Variants in CSF1R observed in about 807,000 individuals in gnomAD.
CSF1R encodes colony stimulating factor 1 receptor.
A neutral mutation model predicts 110.0 loss-of-function variants in CSF1R; 40 were observed. The ratio of observed to expected loss-of-function variants is 0.36; its 90% CI spans 0.28 to 0.47. CSF1R has a LOEUF of 0.47. Ranked by LOEUF, CSF1R falls within the 20% of genes least tolerant of loss-of-function variation. The pLI, the probability that CSF1R is intolerant of heterozygous loss-of-function variation, is 0.99. For synonymous variants in CSF1R, 523 were observed against 503.4 expected (o/e 1.04, Z -0.52); for missense variants, 1,052 against 1,253.0 (o/e 0.84, Z 2.42).
Position 150,070,232 on chromosome 5 carries a change from C to T in CSF1R, c.1269G>A (p.Gly423=). 6 of 1,614,130 alleles carry T rather than the reference C, an allele frequency of 3.7e-6. No homozygotes were observed. The highest frequency in any genetic ancestry group is 5.1e-6 in the Non-Finnish European group (6 of 1,180,016). Reference sequence around the variant, plus strand: ...GCCATGTCACGTTGGGCTGGGGGTACCCAGAGGCAGCACACAAAAGGGTGC... The same window carrying T: ...GCCATGTCACGTTGGGCTGGGGGTATCCAGAGGCAGCACACAAAAGGGTGC... ...GSGTLLCAAS[G]YPQPNVTWLQ... Residue 423 remains glycine (G), a synonymous_variant, in exon 8 of 21, where the codon GGG becomes GGA. Coordinates refer to ENST00000675795, the MANE Select transcript of CSF1R (RefSeq NM_001288705.3).
In CSF1R at chr5:150,053,759, G is replaced by T. The variant is rs41497048; in HGVS notation, c.*310C>A. On this transcript the variant is annotated 3_prime_UTR_variant, in exon 21 of 21. Coordinates refer to ENST00000675795, the MANE Select transcript of CSF1R (RefSeq NM_001288705.3). The stretch of plus-strand genomic sequence containing the variant: ...CATAAAGTCAGTCCATTTCCATGAA[G>T]ATAAGGGGATTAGGAAAGAAGGTTC... 28,567 of 468,864 alleles carry T rather than the reference G, an allele frequency of 0.061. 2,333 individuals are homozygous for T. Among genetic ancestry groups the T allele is most frequent in the African/African-American group, 0.23 (11,543 of 51,278 alleles). The allele number at this position is 468,864 out of a possible 1,614,324, so 29.0% of individuals were successfully genotyped here.
chr5:150,108,371 T>G (rs1759615398), intron 1 of CSF1R, among the ~76,000 whole-genome samples: 1 of 151,222 alleles, frequency 6.6e-6, no homozygotes, highest in Non-Finnish European at 1.5e-5. Flanking sequence ...GGGGCAGAGG[T>G]CAGGAAGCTA....
chr5:150,109,069 A>ACCCC (rs1168947790), intron 1 of CSF1R, among the ~76,000 whole-genome samples: 1 of 99,420 alleles, frequency 1.0e-5, no homozygotes, highest in Admixed American at 1.0e-4. Flanking sequence ...CCCCCCCCCC[A>ACCCC]CCACCCAAGA....
intron 1 of CSF1R, among the ~76,000 whole-genome samples, chr5:150,106,647 T>A (rs1332361980): frequency 6.6e-6 from 1 of 152,218 alleles, no homozygotes; most frequent in Non-Finnish European, 1.5e-5. Flanking sequence ...CTCCCATTAC[T>A]ATTGCAGCTC....
intron 19 of CSF1R, 149 bp from the exon 20 acceptor site, chr5:150,054,579 C>T (rs1394279700): frequency 4.8e-5 from 30 of 621,136 alleles, no homozygotes; most frequent in Non-Finnish European, 8.1e-5. Flanking sequence ...CCTTGGCATG[C>T]TTTACCATTT....
At chr5:150,077,199 A>G in intron 5 of CSF1R, 77 bp downstream of exon 5, 1 of 1,576,346 alleles carries the variant, frequency 6.3e-7, no homozygotes. Context: ...CCCTGACATC[A>G]GCTTCCTCCT....
chr5:150,084,452 A>AAGGAAGGG (rs1440617992), intron 1 of CSF1R, among the ~76,000 whole-genome samples: 84 of 84,210 alleles, frequency 1.0e-3, no homozygotes, highest in Non-Finnish European at 1.6e-3. Flanking sequence ...GGAAGGAAGG[A>AAGGAAGGG]AGGAAGAAAG....
chr5:150,085,069 A>C (rs1220260615), intron 1 of CSF1R, among the ~76,000 whole-genome samples: 2 of 152,112 alleles, frequency 1.3e-5, no homozygotes, highest in Non-Finnish European at 2.9e-5. Context: ...ACCTGAGGTC[A>C]GGAGTTCGAG....
chr5:150,094,309 G>A, intron 1 of CSF1R: 1 of 1,586,742 alleles, frequency 6.3e-7, no homozygotes, highest in South Asian at 1.1e-5. Context: ...ACCATGGAGG[G>A]TGTAGAAGAG....
chr5:150,069,614 A>C (rs1757938152), intron 9 of CSF1R, among the ~76,000 whole-genome samples: 2 of 152,080 alleles, frequency 1.3e-5, no homozygotes, highest in African/African-American at 4.8e-5. Context: ...GAGTGCAGGG[A>C]CAAGAGTGGG....
intron 6 of CSF1R, 35 bp from the exon 7 acceptor site, chr5:150,070,606 C>T (rs1428710272): frequency 7.0e-7 from 1 of 1,427,516 alleles, no homozygotes; most frequent in Non-Finnish European, 9.4e-7. Context: ...TGGTGAGCCC[C>T]AGCCTAGTAT....
intron 5 of CSF1R, 130 bp downstream of exon 5, chr5:150,077,146 G>T (rs749584079): frequency 1.6e-6 from 2 of 1,240,914 alleles, no homozygotes; most frequent in African/African-American, 3.0e-5. Flanking sequence ...GCCAGGCCTT[G>T]GATAAACAAA....
intron 1 of CSF1R, among the ~76,000 whole-genome samples, chr5:150,091,693 G>T (rs567249039): frequency 6.6e-6 from 1 of 152,052 alleles, no homozygotes; most frequent in East Asian, 1.9e-4. Context: ...GGTGATGGCT[G>T]CCCAGCATTG....
rs57967086 is a variant in CSF1R, at chr5:150,091,852, C to CAAA, written c.-180-5248_-180-5246dup. Among the ~76,000 whole-genome samples, 13 of 71,230 alleles carry CAAA rather than the reference C, an allele frequency of 1.8e-4. 1 individual carries two copies. Among genetic ancestry groups the CAAA allele is most frequent in the African/African-American group, 5.9e-4 (10 of 16,962 alleles). 46.7% of individuals were successfully genotyped at this position (71,230 alleles called of 152,430 possible). On this transcript the variant is annotated intron_variant, in intron 1 of 21. Transcript: ENST00000286301. ...TTCATTGCCAGCAGACCCATACTACCAAAAAAAAAAAAAAAAAAAAAAAAA... is the reference window on the plus strand; with the variant it reads ...TTCATTGCCAGCAGACCCATACTACCAAAAAAAAAAAAAAAAAAAAAAAAAAAA...
At chr5:150,066,187 A>T (rs1460799608) in intron 10 of CSF1R, among the ~76,000 whole-genome samples, 2 of 152,164 alleles carry the variant, frequency 1.3e-5, no homozygotes, top group African/African-American at 4.8e-5. Context: ...TGGTTCCCCA[A>T]CGAACTTCCT....
intron 10 of CSF1R, 51 bp from the exon 11 acceptor site, chr5:150,061,900 T>C (rs1313460411): frequency 6.2e-7 from 1 of 1,611,298 alleles, no homozygotes; most frequent in Non-Finnish European, 8.5e-7. Flanking sequence ...AGGCAGTTCC[T>C]GGACCTTGTT....
intron 1 of CSF1R, among the ~76,000 whole-genome samples, chr5:150,082,878 C>A (rs529484767): frequency 6.0e-4 from 92 of 152,314 alleles, no homozygotes; most frequent in Non-Finnish European, 1.1e-3. Flanking sequence ...CAACTCTGAT[C>A]GCTCAAGATT....
At chr5:150,077,253 T>C in intron 5 of CSF1R, 23 bp downstream of exon 5, 1 of 1,614,074 alleles carries the variant, frequency 6.2e-7, no homozygotes. Context: ...CTACCGACTG[T>C]CCACCACCAC....
intron 1 of CSF1R, among the ~76,000 whole-genome samples, chr5:150,101,656 CCTT>C (rs1344580408): frequency 3.5e-5 from 5 of 141,310 alleles, no homozygotes; most frequent in Admixed American, 7.1e-5. Flanking sequence ...GCTTTCCTTG[CCTT>C]CTTTTTTTTT....
Sources: allele counts gnomAD v4.1 joint callset (sites outside exome capture counted in the v4.1 genomes callset), GRCh38; gene constraint gnomAD v4.1.1; transcripts MANE v1.5; gene names NCBI Gene and HGNC (gene_info 2026-07-23, HGNC 2026-07-21).